Variants in ATF7IP observed in about 807,000 individuals in gnomAD.
ATF7IP encodes the protein activating transcription factor 7-interacting protein 1.
A neutral mutation model predicts 106.4 loss-of-function variants in ATF7IP; 23 were observed. The observed-to-expected ratio is 0.22, with a 90% CI of 0.16 to 0.31. ATF7IP has a LOEUF of 0.31. ATF7IP is among the 10% of genes least tolerant of loss of function. The pLI, the probability that ATF7IP is intolerant of heterozygous loss-of-function variation, is 1.00. For missense variants in ATF7IP, 1,334 were observed against 1,524.3 expected (o/e 0.88, Z 2.08); for synonymous variants, 542 against 539.0 (o/e 1.01, Z -0.08).
intron 14 of ATF7IP, among the ~76,000 whole-genome samples, chr12:14,496,549 C>T (rs563679155): frequency 3.9e-4 from 60 of 152,096 alleles, no homozygotes; most frequent in Non-Finnish European, 8.4e-4. Context: ...ATTGAGTTTG[C>T]TTGTGGTGTA....
intron 1 of ATF7IP, among the ~76,000 whole-genome samples, chr12:14,402,782 G>A (rs1940326399): frequency 6.6e-6 from 1 of 151,928 alleles, no homozygotes; most frequent in Admixed American, 6.6e-5. Flanking sequence ...ATTTTTAGTA[G>A]AGACGGAGTT....
intron 13 of ATF7IP, among the ~76,000 whole-genome samples, chr12:14,484,462 G>A (rs1016019654): frequency 1.1e-4 from 16 of 152,176 alleles, no homozygotes; most frequent in African/African-American, 3.6e-4. Context: ...TCATGCATCT[G>A]GCCATCTACC....
rs772750802 is a variant in ATF7IP at position 14,478,327 on chromosome 12, A to G, written c.2952A>G (p.Lys984=). The G allele has an allele frequency of 4.3e-6, 7 of 1,613,802 alleles. No individual in the cohort carries two copies. The highest frequency in any genetic ancestry group is 1.7e-5 in the Admixed American group (1 of 59,992). The change falls in exon 12 of 15, where the codon AAA becomes AAG. Residue 984 remains lysine (K), a synonymous_variant. Coordinates refer to ENST00000261168, the MANE Select transcript of ATF7IP (RefSeq NM_018179.5). ...ACTTTTAACTAACAGACCCCAAAAA[A>G]CTAAATCACACTCCTGTATCAACCA... ...EESGASQDPK[K]LNHTPVSTMS...
intron 1 of ATF7IP, among the ~76,000 whole-genome samples, chr12:14,368,005 A>G (rs1938376941): frequency 6.6e-6 from 1 of 152,128 alleles, no homozygotes; most frequent in South Asian, 2.1e-4. Context: ...GTAGTTTTGT[A>G]AATTTAAAAA....
chr12:14,460,969 C>A lies in ATF7IP; in HGVS notation c.2633C>A (p.Ala878Glu). ...CTTGCTGTGCAGGCTGTTCCAACAG[C>A]ACACTCTATTGTACAAGCCACAAGG... ...TTLAVQAVPT[A>E]HSIVQATRTS... The change falls in exon 9 of 15, where the codon GCA (alanine) becomes GAA (glutamate). Residue 878 changes from alanine to glutamate, a missense_variant. Physicochemically the swap from Ala to Glu is moderately radical, Grantham distance 107. This residue lies in a region of ATF7IP where 370 missense variants were observed against 401.2 expected (regional missense o/e 0.92). Coordinates refer to ENST00000261168, the MANE Select transcript of ATF7IP (RefSeq NM_018179.5). The A allele has an allele frequency of 6.2e-7, 1 of 1,614,140 alleles. No homozygotes were observed.
chr12:14,448,561 G>A (rs1407829074), intron 6 of ATF7IP, among the ~76,000 whole-genome samples: 2 of 152,054 alleles, frequency 1.3e-5, no homozygotes, highest in East Asian at 1.9e-4. Flanking sequence ...ATCTGTTGAT[G>A]GACACTTGGT....
intron 10 of ATF7IP, 67 bp downstream of exon 10, chr12:14,466,657 C>A: frequency 8.0e-7 from 1 of 1,249,236 alleles, no homozygotes; most frequent in Non-Finnish European, 1.1e-6. Context: ...GAATTTTCAT[C>A]ATTCTTTGAT....
At chr12:14,367,616 A>C (rs1164324848) in intron 1 of ATF7IP, among the ~76,000 whole-genome samples, 1 of 152,126 alleles carries the variant, frequency 6.6e-6, no homozygotes, top group Non-Finnish European at 1.5e-5. Context: ...ACATTTCCAG[A>C]AAAATGAAAT....
At chr12:14,430,904 G>T (rs1286674111) in intron 2 of ATF7IP, among the ~76,000 whole-genome samples, 1 of 152,166 alleles carries the variant, frequency 6.6e-6, no homozygotes, top group African/African-American at 2.4e-5. Context: ...GAATTAAGAG[G>T]TTGTGTCAGA....
intron 2 of ATF7IP, among the ~76,000 whole-genome samples, chr12:14,426,983 T>A (rs1354165406): frequency 6.6e-6 from 1 of 152,122 alleles, no homozygotes; most frequent in Non-Finnish European, 1.5e-5. Flanking sequence ...CATAGGCCAT[T>A]AAATACAAGA....
intron 6 of ATF7IP, among the ~76,000 whole-genome samples, chr12:14,449,759 C>T (rs1284130107): frequency 6.6e-6 from 1 of 150,558 alleles, no homozygotes; most frequent in Non-Finnish European, 1.5e-5. Flanking sequence ...ATAGGGATTG[C>T]ATTGAATCTG....
chr12:14,423,065 G>A (rs543118252), intron 1 of ATF7IP, among the ~76,000 whole-genome samples: 3 of 152,072 alleles, frequency 2.0e-5, no homozygotes, highest in East Asian at 1.9e-4. Context: ...CATTATTCTC[G>A]TTGATTGTAG....
intron 11 of ATF7IP, among the ~76,000 whole-genome samples, chr12:14,477,494 A>G (rs1331192252): frequency 1.3e-5 from 2 of 152,236 alleles, no homozygotes; most frequent in Admixed American, 6.5e-5. Flanking sequence ...GGACACAGGT[A>G]GGCTTAATTC....
At chr12:14,496,984 G>A (rs1229656040) in intron 14 of ATF7IP, among the ~76,000 whole-genome samples, 2 of 152,058 alleles carry the variant, frequency 1.3e-5, no homozygotes, top group Non-Finnish European at 2.9e-5. Context: ...TTTTCTTCAT[G>A]TACCCTATGT....
intron 1 of ATF7IP, among the ~76,000 whole-genome samples, chr12:14,384,872 TA>T (rs34249435): frequency 0.032 from 4,276 of 135,474 alleles, 66 homozygotes; most frequent in Non-Finnish European, 0.036. Context: ...CTATAAAAGG[TA>T]AAAAAAAAAA....
chr12:14,402,232 A>T (rs1454492533), intron 1 of ATF7IP, among the ~76,000 whole-genome samples: 1 of 144,834 alleles, frequency 6.9e-6, no homozygotes, highest in Admixed American at 7.2e-5. Context: ...GGCTCAAGTG[A>T]TTCTCCCACC....
intron 13 of ATF7IP, 46 bp from the exon 14 acceptor site, chr12:14,496,185 C>T: frequency 3.3e-6 from 4 of 1,222,246 alleles, no homozygotes; most frequent in Non-Finnish European, 4.8e-6. Context: ...ACCAAATTTA[C>T]AATAGAATTA....
chr12:14,392,056 C>T (rs1939585606), intron 1 of ATF7IP, among the ~76,000 whole-genome samples: 1 of 152,112 alleles, frequency 6.6e-6, no homozygotes, highest in African/African-American at 2.4e-5. Context: ...AGGCAAGTTA[C>T]TTATTTTCAG....
At chr12:14,497,566 A>G (rs1945049058) in intron 14 of ATF7IP, 88 bp from the exon 15 acceptor site, 1 of 1,283,010 alleles carries the variant, frequency 7.8e-7, no homozygotes, top group Non-Finnish European at 1.1e-6. Flanking sequence ...TGATACTTCT[A>G]CGTATGTTCT....
Sources: allele counts gnomAD v4.1 joint callset (sites outside exome capture counted in the v4.1 genomes callset), GRCh38; gene constraint gnomAD v4.1.1; regional missense constraint gnomAD v4.1.1; transcripts MANE v1.5; gene names NCBI Gene and HGNC (gene_info 2026-07-23, HGNC 2026-07-21).